MYO18B: variants seen among roughly 807,000 people sequenced by gnomAD.
MYO18B encodes unconventional myosin-XVIIIb.
In MYO18B, 204 loss-of-function variants were observed where a neutral mutation model predicts 273.0. The ratio of observed to expected loss-of-function variants is 0.75; its 90% CI spans 0.67 to 0.84. The LOEUF (loss-of-function observed/expected upper bound fraction) is 0.84. MYO18B is among the 40% of genes least tolerant of loss of function. MYO18B has a pLI of 0.00. For missense variants in MYO18B, 3,212 were observed against 3,287.6 expected (o/e 0.98, Z 0.56); for synonymous variants, 1,330 against 1,305.7 (o/e 1.02, Z -0.40).
intron 36 of MYO18B, 56 bp from the exon 37 acceptor site, chr22:25,950,311 A>G: frequency 6.8e-7 from 1 of 1,470,282 alleles, no homozygotes; most frequent in Non-Finnish European, 9.2e-7. Flanking sequence ...GTGGTTTCCC[A>G]GCAAGGCTTG....
At chr22:25,773,496 C>G (rs1245522623) in intron 7 of MYO18B, among the ~76,000 whole-genome samples, 2 of 152,128 alleles carry the variant, frequency 1.3e-5, no homozygotes, top group African/African-American at 4.8e-5. Flanking sequence ...CGGAGTCTCT[C>G]TGTGTCGCCC....
At chr22:25,970,090 TCAC>T (rs1237656415) in intron 39 of MYO18B, among the ~76,000 whole-genome samples, 2 of 152,088 alleles carry the variant, frequency 1.3e-5, no homozygotes, top group Non-Finnish European at 2.9e-5. Context: ...ACTGTCATCA[TCAC>T]CACCATTTGC....
Position 25,782,745 on chromosome 22 carries a change from CCTGGCTAAGG to C in MYO18B, c.2312+916_2312+925del, listed in dbSNP as rs138069658. Among the ~76,000 whole-genome samples the C allele has an allele frequency of 8.1e-3, 1,236 of 152,322 alleles. 16 individuals are homozygous for C. The highest frequency in any genetic ancestry group is 0.027 in the African/African-American group (1,137 of 41,570). On this transcript the variant is annotated intron_variant, in intron 10 of 43. Transcript: ENST00000335473. Reference sequence around the variant, plus strand: ...GACAGCCTCAACCTGTCTGGAGTGTCCTGGCTAAGGCTGGAGGGACAGCTGTAACCTGCAG... The same window carrying C: ...GACAGCCTCAACCTGTCTGGAGTGTCCTGGAGGGACAGCTGTAACCTGCAG...
At chr22:25,772,278 G>A in intron 6 of MYO18B, 56 bp from the exon 7 acceptor site, 1 of 1,532,338 alleles carries the variant, frequency 6.5e-7, no homozygotes, top group South Asian at 1.2e-5. Context: ...GTGGGGTGGG[G>A]GCAGGGGGCC....
rs147879793 is a variant in MYO18B, at chr22:26,026,481, G to T, written c.6507G>T (p.Gln2169His). 303 of 1,613,626 alleles carry T rather than the reference G, an allele frequency of 1.9e-4. 1 individual carries two copies. The African/African-American group carries it at 3.4e-3, about 18-fold the overall frequency. ...NEEAGDTERT[Q>H]SALALSRARS... is the part of the protein sequence containing the mutation. ...AGGCTGGGGACACTGAGAGGACCCAGTCGGCATTGGCACTGAGCAGAGCCC... is the reference window on the plus strand; with the variant it reads ...AGGCTGGGGACACTGAGAGGACCCATTCGGCATTGGCACTGAGCAGAGCCC... The change falls in exon 43 of 44, where the codon CAG becomes CAT. Residue 2169 changes from glutamine to histidine, a missense_variant. By Grantham distance (24) the Gln-to-His change is conservative. Transcript: ENST00000335473.
chr22:25,825,713 T>C (rs1015025005), intron 13 of MYO18B, among the ~76,000 whole-genome samples: 22 of 152,222 alleles, frequency 1.4e-4, no homozygotes, highest in African/African-American at 4.8e-4. Context: ...CCATTTTCTA[T>C]TGTTGGTCAC....
intron 16 of MYO18B, among the ~76,000 whole-genome samples, chr22:25,835,068 C>T (rs773232330): frequency 6.6e-6 from 1 of 152,198 alleles, no homozygotes; most frequent in South Asian, 2.1e-4. Context: ...CAAGGCCACA[C>T]AGGAGGTGAG....
chr22:25,967,774 A>T (rs1601712847), intron 39 of MYO18B, among the ~76,000 whole-genome samples: 1 of 152,342 alleles, frequency 6.6e-6, no homozygotes, highest in East Asian at 1.9e-4. Flanking sequence ...AGACTCAGTG[A>T]AATTCAGGGA....
intron 39 of MYO18B, among the ~76,000 whole-genome samples, chr22:25,974,504 C>T (rs2093068241): frequency 6.6e-6 from 1 of 152,126 alleles, no homozygotes; most frequent in Non-Finnish European, 1.5e-5. Context: ...AGAACAGGGG[C>T]CAGTCAACTT....
intron 12 of MYO18B, among the ~76,000 whole-genome samples, chr22:25,816,644 C>T (rs897459696): frequency 3.3e-5 from 5 of 152,148 alleles, no homozygotes; most frequent in African/African-American, 7.2e-5. Context: ...TAACCTCATT[C>T]GTTCTTCACA....
At chr22:25,898,154 C>A (rs767341048) in intron 28 of MYO18B, 153 bp from the exon 29 acceptor site, 23 of 754,470 alleles carry the variant, frequency 3.0e-5, no homozygotes, top group Non-Finnish European at 4.1e-5. Flanking sequence ...CTGGAGGTGA[C>A]CCTGGAGGAA....
intron 22 of MYO18B, among the ~76,000 whole-genome samples, chr22:25,869,590 A>G (rs2090993156): frequency 6.6e-6 from 1 of 152,124 alleles, no homozygotes; most frequent in Non-Finnish European, 1.5e-5. Context: ...GATGAATGCC[A>G]TCTAAGAAAA....
intron 39 of MYO18B, among the ~76,000 whole-genome samples, chr22:25,964,440 G>A (rs967364387): frequency 6.6e-5 from 10 of 152,144 alleles, no homozygotes; most frequent in African/African-American, 9.7e-5. Flanking sequence ...TTTTAGATAC[G>A]CAGTGTTTAC....
At chr22:25,906,528 C>T (rs913766157) in intron 31 of MYO18B, among the ~76,000 whole-genome samples, 23 of 152,250 alleles carry the variant, frequency 1.5e-4, no homozygotes, top group Non-Finnish European at 2.9e-4. Flanking sequence ...ATGTTGGGGA[C>T]AGCACTTGTT....
At chr22:25,919,848 C>T (rs915020456) in intron 33 of MYO18B, among the ~76,000 whole-genome samples, 4 of 152,186 alleles carry the variant, frequency 2.6e-5, no homozygotes, top group East Asian at 1.9e-4. Flanking sequence ...GGAACACATT[C>T]GAGGTCTTCA....
In MYO18B at chr22:25,890,742, A is replaced by G. The variant is rs2091635937; in HGVS notation, c.4315-14A>G. On this transcript the variant is annotated splice_polypyrimidine_tract_variant and intron_variant, in intron 25 of 43. Coordinates refer to ENST00000335473, the MANE Select transcript of MYO18B (RefSeq NM_032608.7). ...CGAGTGACCGTTCCTTGATCACCCC[A>G]TTCCCCATCTCAGATTGCTGACTTG... 9 of 1,613,754 alleles carry G rather than the reference A, an allele frequency of 5.6e-6. No homozygotes were observed. The highest frequency in any genetic ancestry group is 7.6e-6 in the Non-Finnish European group (9 of 1,179,804).
At chr22:25,776,600 A>C (rs917791426) in intron 7 of MYO18B, among the ~76,000 whole-genome samples, 1 of 152,040 alleles carries the variant, frequency 6.6e-6, no homozygotes, top group Admixed American at 6.5e-5. Flanking sequence ...TCTGTCTCAA[A>C]ACAAAAAACA....
intron 32 of MYO18B, among the ~76,000 whole-genome samples, chr22:25,909,234 C>G (rs949503292): frequency 6.6e-6 from 1 of 152,182 alleles, no homozygotes; most frequent in Non-Finnish European, 1.5e-5. Flanking sequence ...TCGGGTTAAG[C>G]CTCGTTTAAC....
At chr22:25,834,492 C>T (rs1354300108) in intron 16 of MYO18B, among the ~76,000 whole-genome samples, 1 of 152,152 alleles carries the variant, frequency 6.6e-6, no homozygotes, top group Non-Finnish European at 1.5e-5. Flanking sequence ...GTGTGGATTC[C>T]TCAGGGTGAC....
Sources: gnomAD v4.1 joint callset for allele counts (sites outside exome capture counted in the v4.1 genomes callset) on GRCh38, gnomAD v4.1.1 for gene constraint, MANE v1.5 for transcripts, NCBI Gene and HGNC (gene_info 2026-07-23, HGNC 2026-07-21) for gene names.